The following FCHO2 variants were observed in gnomAD, a reference collection of about 807,000 sequenced individuals.
The protein encoded by FCHO2 is FCH and mu domain containing endocytic adaptor 2, also known as F-BAR domain only protein 2.
Under a neutral mutation model 114.1 loss-of-function variants are expected in FCHO2, and 43 were observed. The ratio of observed to expected loss-of-function variants is 0.38; its 90% CI spans 0.30 to 0.49. The LOEUF is 0.49. FCHO2 is among the 20% of genes least tolerant of loss of function. FCHO2 has a pLI of 0.97. For missense variants in FCHO2, 807 were observed against 950.4 expected (o/e 0.85, Z 1.98); for synonymous variants, 293 against 315.2 (o/e 0.93, Z 0.75).
chr5:73,033,251 G>A (rs1756326622), intron 8 of FCHO2, among the ~76,000 whole-genome samples: 1 of 151,998 alleles, frequency 6.6e-6, no homozygotes, highest in Non-Finnish European at 1.5e-5. Context: ...GAATGTATTA[G>A]TAAGGAACAT....
chr5:73,079,483 A>G (rs1249510576), intron 22 of FCHO2, among the ~76,000 whole-genome samples: 2 of 152,210 alleles, frequency 1.3e-5, no homozygotes, highest in African/African-American at 4.8e-5. Context: ...TTTTTCAAAA[A>G]ATGATGTTGA....
chr5:73,050,273 C>T (rs911555243), intron 11 of FCHO2, among the ~76,000 whole-genome samples: 3 of 151,306 alleles, frequency 2.0e-5, no homozygotes, highest in Admixed American at 6.6e-5. Context: ...TTCCCTCCCT[C>T]CCTCTCTGTT....
At chr5:72,956,480 C>A (rs1024366632) in intron 1 of FCHO2, among the ~76,000 whole-genome samples, 1 of 151,746 alleles carries the variant, frequency 6.6e-6, no homozygotes, top group African/African-American at 2.4e-5. Flanking sequence ...GCAGCTCGGA[C>A]GCGAAGGACG....
At chr5:72,974,698 T>C (rs1197123191) in intron 2 of FCHO2, among the ~76,000 whole-genome samples, 1 of 152,170 alleles carries the variant, frequency 6.6e-6, no homozygotes, top group Non-Finnish European at 1.5e-5. Context: ...ATTTAGTCCA[T>C]TTACATTTAA....
rs895066433 is a variant in FCHO2, at chr5:73,063,730, C to T, written c.1346-111C>T. ...ATAATTACATCTAAAAAAAGAGCCTCCTGAAAAATGAGCTTTGATTACCAA... is the reference window on the plus strand; with the variant it reads ...ATAATTACATCTAAAAAAAGAGCCTTCTGAAAAATGAGCTTTGATTACCAA... On this transcript the variant is annotated intron_variant, in intron 17 of 25. Coordinates refer to ENST00000430046, the MANE Select transcript of FCHO2 (RefSeq NM_138782.3). 3.1e-5 allele frequency: 27 copies of T among 875,168 alleles called. No individual in the cohort carries two copies. In the African/African-American group the frequency reaches 3.8e-4, roughly 12 times the overall value. 54.2% of individuals were successfully genotyped at this position (875,168 alleles called of 1,614,324 possible).
intron 2 of FCHO2, among the ~76,000 whole-genome samples, chr5:72,975,783 G>C (rs1169328446): frequency 6.6e-6 from 1 of 152,160 alleles, no homozygotes; most frequent in Non-Finnish European, 1.5e-5. Context: ...GGGATTACAG[G>C]CATGAGCCAC....
intron 2 of FCHO2, among the ~76,000 whole-genome samples, chr5:72,975,944 A>G (rs555283400): frequency 1.3e-5 from 2 of 152,356 alleles, no homozygotes; most frequent in South Asian, 4.1e-4. Context: ...ATCTGTGTGC[A>G]GGTTTTCGTG....
intron 1 of FCHO2, among the ~76,000 whole-genome samples, chr5:72,964,911 G>C (rs1341411114): frequency 6.6e-6 from 1 of 151,850 alleles, no homozygotes; most frequent in Non-Finnish European, 1.5e-5. Flanking sequence ...ACTGTGTCCT[G>C]TTTGGTATGC....
chr5:73,006,865 G>C (rs1754744837), intron 6 of FCHO2, among the ~76,000 whole-genome samples: 1 of 152,158 alleles, frequency 6.6e-6, no homozygotes, highest in Non-Finnish European at 1.5e-5. Flanking sequence ...TGACTTAGTA[G>C]TGAGGCTACG....
chr5:72,966,114 C>T (rs536731733), intron 1 of FCHO2, among the ~76,000 whole-genome samples: 2 of 152,216 alleles, frequency 1.3e-5, no homozygotes, highest in Non-Finnish European at 2.9e-5. Context: ...CAGTGGCTCA[C>T]ACCTGTAATC....
chr5:72,982,826 ATTTT>A (rs36075860), intron 2 of FCHO2, among the ~76,000 whole-genome samples: 36 of 108,114 alleles, frequency 3.3e-4, no homozygotes, highest in Non-Finnish European at 5.5e-4. Context: ...GTCTGGATTC[ATTTT>A]TTTTTTTTTT....
chr5:73,043,106 C>CT lies in FCHO2; in HGVS notation c.939+1801dup, dbSNP rs372471234. Among the ~76,000 whole-genome samples, 75 of 147,244 alleles carry CT rather than the reference C, an allele frequency of 5.1e-4. 1 individual carries two copies. In the Middle Eastern group the frequency reaches 0.01, roughly 20 times the overall value. ...ACCATGCCCAGCTGATTTCTTAAAC[C>CT]TTTTTTTTTTGGTAGAGTTGGGGTT... On this transcript the variant is annotated intron_variant, in intron 11 of 25. Coordinates refer to ENST00000430046, the MANE Select transcript of FCHO2 (RefSeq NM_138782.3).
intron 3 of FCHO2, 97 bp from the exon 4 acceptor site, chr5:72,990,381 C>T: frequency 2.4e-6 from 2 of 846,258 alleles, no homozygotes; most frequent in Non-Finnish European, 3.5e-6. Context: ...AATAAAGTTG[C>T]CATATATACC....
intron 13 of FCHO2, among the ~76,000 whole-genome samples, chr5:73,053,522 C>T (rs979637468): frequency 2.0e-5 from 3 of 151,968 alleles, no homozygotes; most frequent in Admixed American, 2.0e-4. Context: ...AGTGAAACCC[C>T]GTCTCTTGAA....
At chr5:73,014,928 T>G (rs1755219599) in intron 6 of FCHO2, among the ~76,000 whole-genome samples, 2 of 151,646 alleles carry the variant, frequency 1.3e-5, no homozygotes, top group South Asian at 4.2e-4. Flanking sequence ...ATACAAAAAA[T>G]TAGCCAGCAT....
intron 1 of FCHO2, among the ~76,000 whole-genome samples, chr5:72,962,891 C>CAA (rs200678156): frequency 1.6e-4 from 22 of 139,272 alleles, no homozygotes; most frequent in Middle Eastern, 3.8e-3. Flanking sequence ...GACTCTGTCT[C>CAA]AAAAAAAAAA....
At chr5:72,974,956 C>T (rs1023437284) in intron 2 of FCHO2, among the ~76,000 whole-genome samples, 2 of 152,136 alleles carry the variant, frequency 1.3e-5, no homozygotes, top group Non-Finnish European at 2.9e-5. Flanking sequence ...TTCTCCTTCA[C>T]TTATGAAGCT....
intron 11 of FCHO2, 76 bp downstream of exon 11, chr5:73,041,391 G>A (rs2112810006): frequency 1.1e-6 from 1 of 874,264 alleles, no homozygotes; most frequent in South Asian, 1.6e-5. Flanking sequence ...CATTTGAGTT[G>A]AGTTGTTACC....
chr5:73,052,603 G>T, intron 13 of FCHO2, 96 bp downstream of exon 13: 1 of 946,928 alleles, frequency 1.1e-6, no homozygotes, highest in Non-Finnish European at 1.6e-6. Context: ...TGTTAAGCAT[G>T]TTGACTGAGG....
Sources: allele counts gnomAD v4.1 joint callset (sites outside exome capture counted in the v4.1 genomes callset), GRCh38; gene constraint gnomAD v4.1.1; transcripts MANE v1.5; gene names NCBI Gene and HGNC (gene_info 2026-07-23, HGNC 2026-07-21).